Variants in ANK3 observed in about 807,000 individuals in gnomAD.
ANK3 encodes ankyrin-3.
Under a neutral mutation model 370.9 loss-of-function variants are expected in ANK3, and 57 were observed. The observed-to-expected ratio is 0.15, with a 90% confidence interval of 0.12 to 0.19. The LOEUF (loss-of-function observed/expected upper bound fraction) is 0.19. ANK3 is among the 10% of genes least tolerant of loss of function. The pLI is 1.00. For missense variants in ANK3, 4,439 were observed against 5,302.1 expected, an observed-to-expected ratio of 0.84 and a Z score of 5.06; for synonymous variants, 1,929 against 1,946.3, an observed-to-expected ratio of 0.99 and a Z score of 0.23.
At chr10:60,131,151 A>G (rs917306966) in intron 25 of ANK3, among the ~76,000 whole-genome samples, 4 of 152,212 alleles carry the variant, frequency 2.6e-5, no homozygotes, top group African/African-American at 9.7e-5. Flanking sequence ...AAAATTATCA[A>G]TGCTAAAATT....
At position 60,141,578 on chromosome 10, in the gene ANK3, T is replaced by TG. The variant is rs1183188860; in HGVS notation, c.2615-2492_2615-2491insC. ...CAATTGCTGTTTTTTTTTTTTTTTT[T>TG]TTTTTTTTGCTTCCCTCCAGCCCCC... On this transcript the variant is annotated intron_variant, in intron 23 of 43. Coordinates refer to ENST00000280772, the MANE Select transcript of ANK3 (RefSeq NM_020987.5). Among the ~76,000 whole-genome samples the TG allele has an allele frequency of 3.0e-3, 440 of 147,096 alleles. 4 individuals are homozygous for TG. Among genetic ancestry groups the TG allele is most frequent in the Non-Finnish European group, 5.0e-3 (334 of 67,354 alleles).
At chr10:60,198,638 A>G in intron 13 of ANK3, 101 bp from the exon 14 acceptor site, 1 of 1,087,454 alleles carries the variant, frequency 9.2e-7, no homozygotes, top group Admixed American at 1.9e-5. Context: ...AAGAGGTACA[A>G]TCAACTTTTT....
At chr10:60,047,037 G>A (rs1265551228) in intron 42 of ANK3, among the ~76,000 whole-genome samples, 1 of 152,108 alleles carries the variant, frequency 6.6e-6, no homozygotes, top group African/African-American at 2.4e-5. Context: ...TTGATCTCCT[G>A]ACCTCGTGAT....
At chr10:60,678,865 G>A (rs964880655) in intron 1 of ANK3, among the ~76,000 whole-genome samples, 8 of 152,192 alleles carry the variant, frequency 5.3e-5, no homozygotes, top group African/African-American at 1.9e-4. Context: ...TTAACCCAAT[G>A]CTTAGACTTG....
intron 1 of ANK3, among the ~76,000 whole-genome samples, chr10:60,638,280 C>T (rs10761532): frequency 0.27 from 41,030 of 151,950 alleles, 6,692 homozygotes; most frequent in South Asian, 0.49. Context: ...GTAATACATG[C>T]GATATTGGGT....
chr10:60,569,446 G>T (rs905133516), intron 2 of ANK3, among the ~76,000 whole-genome samples: 5 of 152,026 alleles, frequency 3.3e-5, no homozygotes, highest in African/African-American at 4.8e-5. Flanking sequence ...GAGCACCCAG[G>T]TCTCTTCAAG....
intron 1 of ANK3, among the ~76,000 whole-genome samples, chr10:60,371,311 G>C (rs1192246365): frequency 6.6e-6 from 1 of 152,068 alleles, no homozygotes; most frequent in East Asian, 1.9e-4. Context: ...AAACCACAAT[G>C]AGGTCCACCT....
chr10:60,361,710 A>G (rs2058636592), intron 1 of ANK3, among the ~76,000 whole-genome samples: 2 of 152,198 alleles, frequency 1.3e-5, no homozygotes, highest in Admixed American at 1.3e-4. Flanking sequence ...ATTATTTACA[A>G]TATATTCCTA....
intron 23 of ANK3, among the ~76,000 whole-genome samples, chr10:60,150,338 A>C (rs1246564577): frequency 6.6e-6 from 1 of 152,092 alleles, no homozygotes; most frequent in Non-Finnish European, 1.5e-5. Flanking sequence ...ACCTCTTCCC[A>C]ATCCCCATCC....
chr10:60,608,692 T>A (rs1348644260), intron 2 of ANK3, among the ~76,000 whole-genome samples: 2 of 152,164 alleles, frequency 1.3e-5, no homozygotes, highest in African/African-American at 4.8e-5. Flanking sequence ...TCTAGGAATA[T>A]CCAGATTACA....
chr10:60,697,114 C>G (rs995112465), intron 1 of ANK3, among the ~76,000 whole-genome samples: 1 of 151,900 alleles, frequency 6.6e-6, no homozygotes, highest in Non-Finnish European at 1.5e-5. Flanking sequence ...CAACAACAGA[C>G]AAACGGAGAG....
intron 2 of ANK3, among the ~76,000 whole-genome samples, chr10:60,429,162 G>A (rs966574830): frequency 3.3e-5 from 5 of 152,132 alleles, no homozygotes; most frequent in Non-Finnish European, 7.4e-5. Context: ...AAGTCACATG[G>A]TTTTGAAGTT....
At chr10:60,262,829 A>C (rs77287104) in intron 6 of ANK3, among the ~76,000 whole-genome samples, 2 of 152,154 alleles carry the variant, frequency 1.3e-5, no homozygotes, top group African/African-American at 4.8e-5. Flanking sequence ...GCTGATAAAC[A>C]TCTAAAGTGT....
chr10:60,479,241 A>G (rs2075149592), intron 2 of ANK3, among the ~76,000 whole-genome samples: 1 of 152,180 alleles, frequency 6.6e-6, no homozygotes, highest in Admixed American at 6.5e-5. Flanking sequence ...GATGGTGGTT[A>G]CATATTATAA....
Position 60,042,622 on chromosome 10 carries a change from A to T in ANK3, c.*19+50T>A, listed in dbSNP as rs1390958303. 378 of 1,511,566 alleles carry T rather than the reference A, an allele frequency of 2.5e-4. 1 individual carries two copies. Among genetic ancestry groups the T allele is most frequent in the Non-Finnish European group, 2.8e-4 (311 of 1,101,934 alleles). The allele number at this position is 1,511,566 out of a possible 1,614,324, so 93.6% of individuals were successfully genotyped here. On this transcript the variant is annotated intron_variant, in intron 43 of 43. Transcript: ENST00000280772. ...AATCACTTATTTAGTGAAAAATATA[A>T]GTTTCACAGGAATTTAAGTCCTACT... is the stretch of plus-strand genomic sequence containing the variant.
intron 1 of ANK3, among the ~76,000 whole-genome samples, chr10:60,386,293 G>C (rs557642737): frequency 5.3e-5 from 8 of 152,144 alleles, no homozygotes; most frequent in African/African-American, 1.9e-4. Context: ...CAGTGGGAAA[G>C]TATGGCTAAG....
chr10:60,473,773 G>A (rs528000400), intron 2 of ANK3, among the ~76,000 whole-genome samples: 1 of 151,974 alleles, frequency 6.6e-6, no homozygotes, highest in Non-Finnish European at 1.5e-5. Context: ...ATATGACTTG[G>A]CAAATTACCC....
chr10:60,067,631 T>TC (rs1195822562), intron 38 of ANK3, among the ~76,000 whole-genome samples: 1 of 152,180 alleles, frequency 6.6e-6, no homozygotes, highest in East Asian at 1.9e-4. Flanking sequence ...CAAGATAAAT[T>TC]TGCTATTCAG....
At chr10:60,673,474 C>G (rs1180250325) in intron 1 of ANK3, among the ~76,000 whole-genome samples, 1 of 152,114 alleles carries the variant, frequency 6.6e-6, no homozygotes, top group East Asian at 1.9e-4. Context: ...CCTCAGCCTC[C>G]CGAGTAGCTG....
Sources: gnomAD v4.1 joint callset for allele counts (sites outside exome capture counted in the v4.1 genomes callset) on GRCh38, gnomAD v4.1.1 for gene constraint, MANE v1.5 for transcripts, NCBI Gene and HGNC (gene_info 2026-07-23, HGNC 2026-07-21) for gene names.